DGKI: variants seen among roughly 807,000 people sequenced by gnomAD.
DGKI encodes diacylglycerol kinase iota.
DGKI carries 55 observed loss-of-function variants against 147.5 expected under a neutral mutation model. That is an observed-to-expected ratio of 0.37 (90% confidence interval 0.30 to 0.47). The LOEUF (loss-of-function observed/expected upper bound fraction) is 0.47. Ranked by LOEUF, DGKI falls within the 20% of genes least tolerant of loss-of-function variation. DGKI has a pLI of 1.00. For synonymous variants in DGKI, 469 were observed against 477.1 expected, an observed-to-expected ratio of 0.98 and a Z score of 0.22; for missense variants, 1,007 against 1,323.8, an observed-to-expected ratio of 0.76 and a Z score of 3.71.
At chr7:137,394,602 T>C (rs1165435074) in intron 32 of DGKI, among the ~76,000 whole-genome samples, 4 of 152,170 alleles carry the variant, frequency 2.6e-5, no homozygotes. Context: ...AAACAGAGTT[T>C]CCCCTAAGGC....
chr7:137,507,553 T>C (rs1816410742), intron 21 of DGKI, among the ~76,000 whole-genome samples: 1 of 152,222 alleles, frequency 6.6e-6, no homozygotes, highest in South Asian at 2.1e-4. Flanking sequence ...ATGGTTTCTA[T>C]CTTCATTAAT....
chr7:137,720,093 T>C (rs1362234106), intron 1 of DGKI, among the ~76,000 whole-genome samples: 2 of 152,172 alleles, frequency 1.3e-5, no homozygotes, highest in Non-Finnish European at 2.9e-5. Context: ...GATTCTCACA[T>C]GCCCTGGTGA....
At chr7:137,510,287 G>A (rs1310728827) in intron 21 of DGKI, among the ~76,000 whole-genome samples, 1 of 152,214 alleles carries the variant, frequency 6.6e-6, no homozygotes, top group African/African-American at 2.4e-5. Flanking sequence ...AATGTTGCAT[G>A]CAATAAAGTA....
intron 19 of DGKI, among the ~76,000 whole-genome samples, chr7:137,562,451 A>T (rs1415521827): frequency 6.6e-6 from 1 of 152,092 alleles, no homozygotes; most frequent in Non-Finnish European, 1.5e-5. Context: ...CAGGAGAATC[A>T]CCTGAACCTA....
chr7:137,598,186 A>C (rs1321483435), intron 11 of DGKI, among the ~76,000 whole-genome samples: 1 of 152,156 alleles, frequency 6.6e-6, no homozygotes, highest in African/African-American at 2.4e-5. Context: ...CATAACTTCT[A>C]TTATATGTCA....
chr7:137,710,393 C>T (rs1794176423), intron 1 of DGKI, among the ~76,000 whole-genome samples: 1 of 152,022 alleles, frequency 6.6e-6, no homozygotes, highest in Non-Finnish European at 1.5e-5. Flanking sequence ...AATCCATTAA[C>T]AATTAATACA....
intron 1 of DGKI, among the ~76,000 whole-genome samples, chr7:137,819,608 C>G (rs966411245): frequency 6.6e-6 from 1 of 152,174 alleles, no homozygotes; most frequent in Non-Finnish European, 1.5e-5. Flanking sequence ...CCGCGCCCAG[C>G]CAGACTACAA....
intron 29 of DGKI, 94 bp downstream of exon 29, chr7:137,412,076 A>T: frequency 8.1e-7 from 1 of 1,232,382 alleles, no homozygotes; most frequent in Non-Finnish European, 1.2e-6. Flanking sequence ...AGGGGATGAT[A>T]AATGATAGAT....
intron 6 of DGKI, among the ~76,000 whole-genome samples, chr7:137,632,273 C>A (rs2129002173): frequency 6.6e-6 from 1 of 152,320 alleles, no homozygotes; most frequent in South Asian, 2.1e-4. Flanking sequence ...AATAAAAAGT[C>A]ATAATCTTTT....
At chr7:137,391,639 G>A (rs1811369323) in intron 32 of DGKI, among the ~76,000 whole-genome samples, 1 of 152,162 alleles carries the variant, frequency 6.6e-6, no homozygotes, top group Non-Finnish European at 1.5e-5. Context: ...GAGGTTAACA[G>A]TATACAGAAG....
intron 20 of DGKI, among the ~76,000 whole-genome samples, chr7:137,532,482 A>C (rs536407311): frequency 1.3e-5 from 2 of 152,286 alleles, no homozygotes; most frequent in Admixed American, 6.5e-5. Flanking sequence ...ATTAGTAGGT[A>C]ATTAATATTT....
intron 12 of DGKI, among the ~76,000 whole-genome samples, chr7:137,593,093 T>C (rs1819671612): frequency 6.6e-6 from 1 of 152,224 alleles, no homozygotes; most frequent in Non-Finnish European, 1.5e-5. Context: ...CTTTTTCATC[T>C]AGAAAAGCCA....
intron 20 of DGKI, among the ~76,000 whole-genome samples, chr7:137,550,659 T>G (rs1258912116): frequency 6.6e-6 from 1 of 152,156 alleles, no homozygotes; most frequent in East Asian, 1.9e-4. Flanking sequence ...AAATACGAAT[T>G]CTCAACACAA....
intron 21 of DGKI, among the ~76,000 whole-genome samples, chr7:137,499,244 T>C (rs535865969): frequency 2.6e-5 from 4 of 152,314 alleles, no homozygotes; most frequent in South Asian, 4.1e-4. Context: ...TGAGGGGTGG[T>C]ACTTGTTCTA....
rs76758538 is a variant in DGKI, at chr7:137,722,074, G to A, written c.402-32072C>T. On this transcript the variant is annotated intron_variant, in intron 1 of 32. Coordinates refer to ENST00000614521, the MANE Select transcript of DGKI (RefSeq NM_001321708.2). ...TGATGCTGGTGGCAAGGTGAAAAAG[G>A]GTAACCTCAAGGCTAAAAAGCCCAA... 470 of 1,597,862 alleles carry A rather than the reference G, an allele frequency of 2.9e-4. 2 individuals are homozygous for A. In the South Asian group the frequency reaches 4.8e-3, roughly 16 times the overall value.
In DGKI at chr7:137,846,769, TGGCGGCGGCGGC is replaced by T. The variant is rs527683728; in HGVS notation, c.82_93del (p.Ala28_Ala31del). ...GCGCCGCTGCAGGGGCCGGGCGGGC[TGGCGGCGGCGGC>T]GGCGGCGGCTGCAGGAGCGCGGGCA... On this transcript the variant is annotated inframe_deletion, in exon 1 of 33. Transcript: ENST00000614521. The surrounding 1 kb of genome is among the most constrained non-coding windows in gnomAD (Gnocchi z 4.0). 1 of 1,048,076 alleles carries T rather than the reference TGGCGGCGGCGGC, an allele frequency of 9.5e-7. No individual in the cohort carries two copies. The highest frequency in any genetic ancestry group is 1.7e-5 in the African/African-American group (1 of 58,024). The allele number at this position is 1,048,076 out of a possible 1,614,324, so 64.9% of individuals were successfully genotyped here. A position where few individuals can be genotyped will look rare whatever the true frequency, so the allele number is the denominator to read the frequency against.
chr7:137,576,588 A>G (rs928081438), intron 17 of DGKI, among the ~76,000 whole-genome samples: 3 of 152,176 alleles, frequency 2.0e-5, no homozygotes, highest in Middle Eastern at 3.2e-3. Context: ...ACCTTGAGAA[A>G]GATAAATTTC....
At chr7:137,445,089 A>G (rs1204404777) in intron 27 of DGKI, among the ~76,000 whole-genome samples, 3 of 152,200 alleles carry the variant, frequency 2.0e-5, no homozygotes, top group Non-Finnish European at 4.4e-5. Flanking sequence ...CAATTACTAT[A>G]ACTAATATTT....
At position 137,390,490 on chromosome 7, in the gene DGKI, T is replaced by A. The variant is rs916171392; in HGVS notation, c.*730A>T. 6.5e-6 allele frequency: 1 copy of A among 153,064 alleles called. No homozygotes were observed. The highest frequency in any genetic ancestry group is 2.4e-5 in the African/African-American group (1 of 41,468). 9.5% of individuals were successfully genotyped at this position (153,064 alleles called of 1,614,324 possible). A position where few individuals can be genotyped will look rare whatever the true frequency, so the allele number is the denominator to read the frequency against. On this transcript the variant is annotated 3_prime_UTR_variant, in exon 33 of 33. Transcript: ENST00000614521. ...TTGGCTACAGCCCAGCAGCCTGGGCTGACCCCTGGGTTACCTCTCTGAGGT... is the reference window on the plus strand; with the variant it reads ...TTGGCTACAGCCCAGCAGCCTGGGCAGACCCCTGGGTTACCTCTCTGAGGT...
Sources: gnomAD v4.1 joint callset for allele counts (sites outside exome capture counted in the v4.1 genomes callset) on GRCh38, gnomAD v4.1.1 for gene constraint, Gnocchi (gnomAD v3.1) non-coding constraint, MANE v1.5 for transcripts, NCBI Gene and HGNC (gene_info 2026-07-23, HGNC 2026-07-21) for gene names.